Variants in ITSN2 observed in about 807,000 individuals in gnomAD.
ITSN2 encodes intersectin-2.
A neutral mutation model predicts 243.7 loss-of-function variants in ITSN2; 156 were observed. The ratio of observed to expected loss-of-function variants is 0.64; its 90% CI spans 0.56 to 0.73. The LOEUF (loss-of-function observed/expected upper bound fraction) is 0.73. Among genes scored for constraint, ITSN2 ranks in the 30% least tolerant of loss-of-function variants. ITSN2 has a pLI of 0.00. For synonymous variants in ITSN2, 703 were observed against 699.9 expected, an observed-to-expected ratio of 1.00 and a Z score of -0.07; for missense variants, 1,801 against 1,996.1, an observed-to-expected ratio of 0.90 and a Z score of 1.86.
chr2:24,337,338 A>ATATATATATATATG lies in ITSN2; in HGVS notation c.-33-9224_-33-9223insCATATATATATATA, dbSNP rs1378796716. Among the ~76,000 whole-genome samples the ATATATATATATATG allele has an allele frequency of 1.9e-4, 21 of 112,620 alleles. 4 individuals carry two copies. Among genetic ancestry groups the ATATATATATATATG allele is most frequent in the Non-Finnish European group, 3.1e-4 (17 of 55,098 alleles). 73.9% of individuals were successfully genotyped at this position (112,620 alleles called of 152,430 possible). ...AAAATATATATATATATATATATAT[A>ATATATATATATATG]TATATATATATATATGTAATTTTTT... On this transcript the variant is annotated intron_variant, in intron 1 of 39. Transcript: ENST00000355123.
intron 17 of ITSN2, among the ~76,000 whole-genome samples, chr2:24,283,014 A>C (rs1328101207): frequency 6.7e-6 from 1 of 149,846 alleles, no homozygotes; most frequent in Non-Finnish European, 1.5e-5. Flanking sequence ...GTCTTTCTTA[A>C]ACCAAAAAAA....
At chr2:24,300,237 C>A (rs1681549409) in intron 11 of ITSN2, 66 bp from the exon 12 acceptor site, 1 of 1,490,700 alleles carries the variant, frequency 6.7e-7, no homozygotes, top group Non-Finnish European at 9.2e-7. Flanking sequence ...AATCTAGTTT[C>A]TATATACTTA....
chr2:24,209,786 CCT>C (rs758409153), intron 35 of ITSN2, 30 bp downstream of exon 35: 20 of 1,564,650 alleles, frequency 1.3e-5, no homozygotes, highest in Non-Finnish European at 2.6e-6. Flanking sequence ...TCATTAGGCC[CCT>C]GATGCTACCC....
intron 14 of ITSN2, among the ~76,000 whole-genome samples, chr2:24,294,623 T>C (rs1680706367): frequency 6.6e-6 from 1 of 152,146 alleles, no homozygotes; most frequent in Non-Finnish European, 1.5e-5. Context: ...AACCAGACCC[T>C]ACTGCACAAG....
At chr2:24,245,354 T>C (rs1350689977) in intron 29 of ITSN2, among the ~76,000 whole-genome samples, 3 of 152,238 alleles carry the variant, frequency 2.0e-5, no homozygotes, top group Non-Finnish European at 4.4e-5. Context: ...ATTTAATTTT[T>C]AATTTTCTTC....
chr2:24,306,166 G>A (rs534893274), intron 8 of ITSN2, among the ~76,000 whole-genome samples: 6 of 152,200 alleles, frequency 3.9e-5, no homozygotes, highest in East Asian at 1.9e-4. Flanking sequence ...TTTTAGTAGC[G>A]ATGGGGTTTC....
chr2:24,348,965 AT>A lies in ITSN2; in HGVS notation c.-34+11338del, dbSNP rs573813201. 1.2e-4 allele frequency among the ~76,000 whole-genome samples: 18 copies of A among 152,320 alleles called. No homozygotes were observed. In the South Asian group the frequency reaches 3.7e-3, roughly 32 times the overall value. ...AAAAGAATCATCCAAGAAAGCAAAC[AT>A]AAAATAATAATAAATGTGGGCCAGT... On this transcript the variant is annotated intron_variant, in intron 1 of 39. Transcript: ENST00000355123.
chr2:24,205,303 AAAG>A lies in ITSN2; in HGVS notation c.4679-9_4679-7del. 6.2e-7 allele frequency: 1 copy of A among 1,612,328 alleles called. No homozygotes were observed. The highest frequency in any genetic ancestry group is 1.1e-5 in the South Asian group (1 of 91,056). On this transcript the variant is annotated splice_region_variant and splice_polypyrimidine_tract_variant and intron_variant, in intron 37 of 39. Coordinates refer to ENST00000355123, the MANE Select transcript of ITSN2 (RefSeq NM_006277.3). ...TGAAGTCTTTTGGGAGCGGGCTACA[AAAG>A]AGGAAGACAAGTCTCATTAATCTCT...
intron 29 of ITSN2, among the ~76,000 whole-genome samples, chr2:24,228,845 C>T (rs1478618824): frequency 6.6e-6 from 1 of 152,190 alleles, no homozygotes; most frequent in Non-Finnish European, 1.5e-5. Context: ...TGGCTTAAAT[C>T]TGTCAGTGAA....
chr2:24,216,621 G>A (rs1159104610), intron 31 of ITSN2, among the ~76,000 whole-genome samples: 1 of 152,126 alleles, frequency 6.6e-6, no homozygotes. Context: ...GGGCATGGTG[G>A]TGCACGCCTG....
rs1263149276 is a variant in ITSN2 at position 24,352,394 on chromosome 2, G to A, written c.-34+7910C>T. 2.6e-5 allele frequency among the ~76,000 whole-genome samples: 4 copies of A among 152,188 alleles called. No homozygotes were observed. The East Asian group carries it at 7.7e-4, about 29-fold the overall frequency. ...AATCACTAATCTAATTTGTTTTACT[G>A]AAACAAATTAGAGTTGTGCCAATTA... On this transcript the variant is annotated intron_variant, in intron 1 of 39. Coordinates refer to ENST00000355123, the MANE Select transcript of ITSN2 (RefSeq NM_006277.3).
At chr2:24,272,424 CTTTTT>C (rs528083155) in intron 18 of ITSN2, among the ~76,000 whole-genome samples, 1 of 123,432 alleles carries the variant, frequency 8.1e-6, no homozygotes, top group African/African-American at 3.1e-5. Flanking sequence ...AAACAACCTA[CTTTTT>C]TTTTTTTTTT....
At chr2:24,285,856 C>A (rs1679432177) in intron 16 of ITSN2, among the ~76,000 whole-genome samples, 1 of 152,206 alleles carries the variant, frequency 6.6e-6, no homozygotes, top group Non-Finnish European at 1.5e-5. Context: ...AACACCTAAA[C>A]TATTTCAAAT....
intron 1 of ITSN2, among the ~76,000 whole-genome samples, chr2:24,330,870 G>T (rs1358141396): frequency 6.6e-6 from 1 of 150,700 alleles, no homozygotes; most frequent in African/African-American, 2.4e-5. Flanking sequence ...GGGTTCACGC[G>T]ATTCTCCTGC....
At chr2:24,208,796 G>A (rs1669187412) in intron 36 of ITSN2, among the ~76,000 whole-genome samples, 1 of 152,246 alleles carries the variant, frequency 6.6e-6, no homozygotes, top group Admixed American at 6.5e-5. Context: ...AACCAGCAAA[G>A]CACAGTGGGC....
chr2:24,272,568 A>G (rs1677503784), intron 18 of ITSN2, among the ~76,000 whole-genome samples: 1 of 151,792 alleles, frequency 6.6e-6, no homozygotes, highest in African/African-American at 2.4e-5. Flanking sequence ...AGTAGCTAGC[A>G]CTACAGGCAC....
intron 29 of ITSN2, chr2:24,238,874 A>G (rs997364624): frequency 5.9e-5 from 9 of 152,216 alleles, no homozygotes; most frequent in Admixed American, 5.9e-4. Context: ...ATGACTAAAT[A>G]AAAACAATTA....
chr2:24,299,776 T>A, intron 12 of ITSN2, 133 bp downstream of exon 12: 1 of 731,268 alleles, frequency 1.4e-6, no homozygotes. Flanking sequence ...CAGATTTGTA[T>A]AGGGTAAGAA....
chr2:24,298,318 T>C (rs971794727), intron 13 of ITSN2, among the ~76,000 whole-genome samples: 15 of 152,166 alleles, frequency 9.9e-5, no homozygotes, highest in Non-Finnish European at 1.2e-4. Context: ...CCACCACTCC[T>C]GGCTAATTTT....
Sources: gnomAD v4.1 joint callset for allele counts (sites outside exome capture counted in the v4.1 genomes callset) on GRCh38, gnomAD v4.1.1 for gene constraint, MANE v1.5 for transcripts, NCBI Gene and HGNC (gene_info 2026-07-23, HGNC 2026-07-21) for gene names.